Variants in DYNC2H1 observed in about 807,000 individuals in gnomAD.
DYNC2H1 encodes dynein cytoplasmic 2 heavy chain 1, also known as cytoplasmic dynein 2 heavy chain 1.
A neutral mutation model predicts 570.0 loss-of-function variants in DYNC2H1; 410 were observed. The observed-to-expected ratio is 0.72, with a 90% CI of 0.66 to 0.78. DYNC2H1 has a LOEUF of 0.78. Among genes scored for constraint, DYNC2H1 ranks in the 30% least tolerant of loss-of-function variants. The pLI is 0.00. For missense variants in DYNC2H1, 4,865 were observed against 5,046.4 expected (o/e 0.96, Z 1.09); for synonymous variants, 1,688 against 1,677.6 (o/e 1.01, Z -0.15).
rs763066231 is a variant in DYNC2H1, at chr11:103,113,701, G to A, written c.360G>A (p.Leu120=). The part of the protein sequence containing the change: ...QAVRQVFAPM[L]LKDQEWSRNF... ...TACGGCAAGTATTCGCACCAATGTT[G>A]TTAAAGGTGAGAAAAGAAGCTGTCA... The change falls in exon 2 of 89, where the codon TTG becomes TTA. Residue 120 remains leucine (L), a synonymous_variant. Coordinates refer to ENST00000375735, the MANE Select transcript of DYNC2H1 (RefSeq NM_001377.3). 6.6e-7 allele frequency: 1 copy of A among 1,510,670 alleles called. No homozygotes were observed. Among genetic ancestry groups the A allele is most frequent in the East Asian group, 2.5e-5 (1 of 39,938 alleles). 93.6% of individuals were successfully genotyped at this position (1,510,670 alleles called of 1,614,324 possible). A position where few individuals can be genotyped will look rare whatever the true frequency, so the allele number is the denominator to read the frequency against.
At chr11:103,282,895 A>T in intron 72 of DYNC2H1, 113 bp from the exon 73 acceptor site, 1 of 730,126 alleles carries the variant, frequency 1.4e-6, no homozygotes, top group Non-Finnish European at 2.2e-6. Context: ...AATATAAAGA[A>T]ATAATGCATA....
chr11:103,158,713 C>A lies in DYNC2H1; in HGVS notation c.4164C>A (p.Val1388=). Residue 1388 remains valine, a synonymous_variant, in exon 27 of 89, where the codon GTC becomes GTA. Transcript: ENST00000375735. ...CTGATATCAAGAAAGACAATAGAGT[C>A]ACAACATTAACTACTCATGCTGGAA... ...IMTDIKKDNR[V]TTLTTHAGIR... 6.5e-7 allele frequency: 1 copy of A among 1,530,006 alleles called. No homozygotes were observed. Among genetic ancestry groups the A allele is most frequent in the South Asian group, 1.2e-5 (1 of 80,050 alleles). 94.8% of individuals were successfully genotyped at this position (1,530,006 alleles called of 1,614,324 possible). A position where few individuals can be genotyped will look rare whatever the true frequency, so the allele number is the denominator to read the frequency against.
intron 84 of DYNC2H1, among the ~76,000 whole-genome samples, chr11:103,401,027 C>G (rs767073198): frequency 2.6e-5 from 4 of 152,136 alleles, no homozygotes; most frequent in Non-Finnish European, 5.9e-5. Context: ...ATGAAAGATT[C>G]TTGGCACAGT....
intron 45 of DYNC2H1, among the ~76,000 whole-genome samples, chr11:103,190,516 A>G (rs558198008): frequency 8.5e-5 from 13 of 152,292 alleles, no homozygotes; most frequent in African/African-American, 2.9e-4. Context: ...GTTTGATCTG[A>G]GTTTTGAAAA....
At chr11:103,454,880 C>G (rs1293943047) in intron 85 of DYNC2H1, 2 of 251,124 alleles carry the variant, frequency 8.0e-6, no homozygotes, top group East Asian at 1.7e-4. Context: ...CGTCAGCACA[C>G]TACAAGTGCT....
Position 103,135,868 on chromosome 11 carries a change from A to T in DYNC2H1, c.2494A>T (p.Asn832Tyr), listed in dbSNP as rs1859510370. Residue 832 changes from asparagine to tyrosine, a missense_variant, in exon 17 of 89, where the codon AAT becomes TAT. Physicochemically the swap from Asn to Tyr is moderately radical, Grantham distance 143 (BLOSUM62 -2). Around this residue, in one of 5 missense-constraint regions of DYNC2H1, gnomAD observed 1,936 missense variants for 1,962.1 expected, o/e 0.99. Coordinates refer to ENST00000375735, the MANE Select transcript of DYNC2H1 (RefSeq NM_001377.3). ...TATTTTTTCTATTATGATTGATAGA[A>T]ATGCAAGTGGATTTTTGACGATTTT... ...ESIFSIMIDR[N>Y]ASGFLTIFSK... The T allele has an allele frequency of 6.2e-7, 1 of 1,612,894 alleles. No individual in the cohort carries two copies. The highest frequency in any genetic ancestry group is 1.3e-5 in the African/African-American group (1 of 74,900).
At chr11:103,343,870 G>T (rs975517028) in intron 82 of DYNC2H1, among the ~76,000 whole-genome samples, 1 of 152,108 alleles carries the variant, frequency 6.6e-6, no homozygotes, top group Non-Finnish European at 1.5e-5. Context: ...TTTGTGATTT[G>T]GTTTCATGGC....
rs925104085 is a variant in DYNC2H1 at position 103,129,600 on chromosome 11, C to T, written c.1953+595C>T. Among the ~76,000 whole-genome samples the T allele has an allele frequency of 1.3e-5, 2 of 151,978 alleles. No individual in the cohort carries two copies. Among genetic ancestry groups the T allele is most frequent in the African/African-American group, 4.8e-5 (2 of 41,368 alleles). Reference sequence around the variant, plus strand: ...TCGGGAGGCTGATGCAGGAGAATCACTTGAACCCAGGAGGTGGAGGTTGCA... The same window carrying T: ...TCGGGAGGCTGATGCAGGAGAATCATTTGAACCCAGGAGGTGGAGGTTGCA... On this transcript the variant is annotated intron_variant, in intron 13 of 88. Transcript: ENST00000375735. The surrounding 1 kb of genome is among the most constrained non-coding windows in gnomAD (Gnocchi z 4.1).
chr11:103,367,791 A>G lies in DYNC2H1; in HGVS notation c.12156+9432A>G, dbSNP rs562051210. ...ATGTATCCCCTCCACAGTTTCTAGT[A>G]ACCGCTGTTCTACTCTCTGCTCCTA... On this transcript the variant is annotated intron_variant, in intron 83 of 88. Transcript: ENST00000375735. 2.0e-5 allele frequency among the ~76,000 whole-genome samples: 3 copies of G among 152,228 alleles called. No individual in the cohort carries two copies. In the East Asian group the frequency reaches 5.8e-4, roughly 29 times the overall value.
chr11:103,177,436 C>A lies in DYNC2H1; in HGVS notation c.5875-120C>A. The stretch of plus-strand genomic sequence containing the variant: ...TAGTCTATTACATTTTAGGCAATAC[C>A]TTCCACTGAAGAAATCAAAGGCTTA... On this transcript the variant is annotated intron_variant, in intron 37 of 88. Coordinates refer to ENST00000375735, the MANE Select transcript of DYNC2H1 (RefSeq NM_001377.3). This position sits in a 1 kb window ranked among gnomAD's most constrained non-coding sequence, Gnocchi z 4.4. 2.1e-6 allele frequency: 2 copies of A among 939,838 alleles called. No homozygotes were observed. The highest frequency in any genetic ancestry group is 3.1e-6 in the Non-Finnish European group (2 of 653,956). 58.2% of individuals were successfully genotyped at this position (939,838 alleles called of 1,614,324 possible). A position where few individuals can be genotyped will look rare whatever the true frequency, so the allele number is the denominator to read the frequency against.
At chr11:103,147,957 A>AATTCACTATG in intron 19 of DYNC2H1, 70 bp downstream of exon 19, 1 of 1,120,340 alleles carries the variant, frequency 8.9e-7, no homozygotes, top group East Asian at 2.6e-5. Flanking sequence ...GATAGTTATA[A>AATTCACTATG]AATGTGAATT....
At chr11:103,161,184 G>T in intron 29 of DYNC2H1, 140 bp downstream of exon 29, 1 of 449,894 alleles carries the variant, frequency 2.2e-6, no homozygotes, top group East Asian at 3.9e-5. Flanking sequence ...TCTTAAAAAT[G>T]ATTTGTTTTG....
chr11:103,397,824 G>A (rs765665611), intron 83 of DYNC2H1, among the ~76,000 whole-genome samples: 13 of 152,194 alleles, frequency 8.5e-5, no homozygotes, highest in Non-Finnish European at 1.8e-4. Flanking sequence ...GAGCCCAGGA[G>A]GTCGAGGCTG....
In DYNC2H1 at chr11:103,285,574, C is replaced by G. The variant is rs970160899; in HGVS notation, c.10891-681C>G. ...AGTAGCTGTGATCACAGGCGCCCAC[C>G]ACCAGCCTGACTAATTTTTTTTGTA... On this transcript the variant is annotated intron_variant, in intron 73 of 88. Coordinates refer to ENST00000375735, the MANE Select transcript of DYNC2H1 (RefSeq NM_001377.3). Among the ~76,000 whole-genome samples the G allele has an allele frequency of 1.8e-4, 27 of 151,694 alleles. 1 individual carries two copies. Among genetic ancestry groups the G allele is most frequent in the East Asian group, 1.9e-4 (1 of 5,156 alleles).
intron 84 of DYNC2H1, among the ~76,000 whole-genome samples, chr11:103,427,518 A>C (rs574023351): frequency 1.3e-5 from 2 of 152,304 alleles, no homozygotes; most frequent in South Asian, 2.1e-4. Context: ...ACAAATTGTC[A>C]CAACAAAATA....
chr11:103,171,166 C>A lies in DYNC2H1; in HGVS notation c.5334+98C>A, dbSNP rs1043835469. 4.6e-6 allele frequency: 5 copies of A among 1,077,786 alleles called. No homozygotes were observed. In the Middle Eastern group the frequency reaches 9.9e-4, roughly 213 times the overall value. The allele number at this position is 1,077,786 out of a possible 1,614,324, so 66.8% of individuals were successfully genotyped here. Reference sequence around the variant, plus strand: ...ATTCTCTTTTTATTTCTCCTGACATCCGTGTTTCTAATCTGTAACCTGTGT... The same window carrying A: ...ATTCTCTTTTTATTTCTCCTGACATACGTGTTTCTAATCTGTAACCTGTGT... On this transcript the variant is annotated intron_variant, in intron 34 of 88. Coordinates refer to ENST00000375735, the MANE Select transcript of DYNC2H1 (RefSeq NM_001377.3).
At chr11:103,374,358 T>A (rs1224882333) in intron 83 of DYNC2H1, among the ~76,000 whole-genome samples, 1 of 152,146 alleles carries the variant, frequency 6.6e-6, no homozygotes, top group East Asian at 1.9e-4. Flanking sequence ...TCCCTTTCCT[T>A]TATAAATTAC....
intron 75 of DYNC2H1, among the ~76,000 whole-genome samples, chr11:103,302,661 G>A (rs985212792): frequency 3.3e-5 from 5 of 152,016 alleles, no homozygotes; most frequent in Admixed American, 3.3e-4. Flanking sequence ...CCATATGCGT[G>A]ACACAGAGTA....
In DYNC2H1 at chr11:103,320,786, T is replaced by G. The variant is rs182215093; in HGVS notation, c.11726-243T>G. Among the ~76,000 whole-genome samples, 27 of 152,308 alleles carry G rather than the reference T, an allele frequency of 1.8e-4. 2 individuals are homozygous for G. In the East Asian group the frequency reaches 3.5e-3, roughly 20 times the overall value. On this transcript the variant is annotated intron_variant, in intron 80 of 88. Coordinates refer to ENST00000375735, the MANE Select transcript of DYNC2H1 (RefSeq NM_001377.3). ...CCTTAGGAAGGTTTCTCCATATGTA[T>G]AATTGTATAATATTAATACTTCTAT... is the stretch of plus-strand genomic sequence containing the variant.
Sources: allele counts gnomAD v4.1 joint callset (sites outside exome capture counted in the v4.1 genomes callset), GRCh38; gene constraint gnomAD v4.1.1; regional missense constraint gnomAD v4.1.1; non-coding constraint Gnocchi (gnomAD v3.1); transcripts MANE v1.5; gene names NCBI Gene and HGNC (gene_info 2026-07-23, HGNC 2026-07-21).